Variants in HPSE2 observed in about 807,000 individuals in gnomAD.
The protein encoded by HPSE2 is heparanase 2 (inactive).
Under a neutral mutation model 60.5 loss-of-function variants are expected in HPSE2, and 38 were observed. That is an observed-to-expected ratio of 0.63 (90% CI 0.48 to 0.82). HPSE2 has a LOEUF of 0.82. HPSE2 is among the 40% of genes least tolerant of loss of function. The pLI is 0.00. For missense variants in HPSE2, 713 were observed against 740.4 expected, an observed-to-expected ratio of 0.96 and a Z score of 0.43; for synonymous variants, 295 against 293.2, an observed-to-expected ratio of 1.01 and a Z score of -0.06.
intron 6 of HPSE2, among the ~76,000 whole-genome samples, chr10:98,679,082 C>A (rs1399353179): frequency 6.6e-6 from 1 of 152,092 alleles, no homozygotes. Flanking sequence ...AATTATATAC[C>A]TGTGGTGAGG....
chr10:99,078,590 T>C (rs1037520156), intron 3 of HPSE2, among the ~76,000 whole-genome samples: 4 of 152,192 alleles, frequency 2.6e-5, no homozygotes, highest in African/African-American at 7.2e-5. Context: ...CCTTGGGATA[T>C]AAATTTTTAA....
intron 3 of HPSE2, among the ~76,000 whole-genome samples, chr10:98,753,141 C>T (rs1193707810): frequency 5.9e-5 from 9 of 151,722 alleles, no homozygotes; most frequent in Admixed American, 5.9e-4. Flanking sequence ...TGGAACAAGG[C>T]AACTATAGGT....
At chr10:98,982,334 A>AGG (rs1956226598) in intron 3 of HPSE2, among the ~76,000 whole-genome samples, 1 of 152,186 alleles carries the variant, frequency 6.6e-6, no homozygotes, top group Non-Finnish European at 1.5e-5. Context: ...ATTTCAAAAC[A>AGG]TACACACACA....
At chr10:98,666,427 A>G (rs1404294455) in intron 6 of HPSE2, among the ~76,000 whole-genome samples, 3 of 152,182 alleles carry the variant, frequency 2.0e-5, no homozygotes, top group Non-Finnish European at 4.4e-5. Flanking sequence ...TTCTTGACCA[A>G]TTGGACCTAA....
At chr10:99,037,087 T>TAAACA (rs1329197704) in intron 3 of HPSE2, among the ~76,000 whole-genome samples, 1 of 152,088 alleles carries the variant, frequency 6.6e-6, no homozygotes, top group African/African-American at 2.4e-5. Context: ...AATCCATAAC[T>TAAACA]TCAGTCTAAA....
chr10:98,720,744 T>C (rs1475404231), intron 5 of HPSE2, among the ~76,000 whole-genome samples: 3 of 152,316 alleles, frequency 2.0e-5, no homozygotes, highest in South Asian at 4.1e-4. Flanking sequence ...AGGGAATGCT[T>C]AGGCAGACTT....
chr10:98,841,991 A>G (rs556577290), intron 3 of HPSE2, among the ~76,000 whole-genome samples: 11 of 152,206 alleles, frequency 7.2e-5, no homozygotes, highest in Admixed American at 7.2e-4. Context: ...ATTTTTTAGT[A>G]GAGACGGGGT....
chr10:98,587,158 G>A (rs1366451944), intron 9 of HPSE2, among the ~76,000 whole-genome samples: 1 of 151,968 alleles, frequency 6.6e-6, no homozygotes, highest in African/African-American at 2.4e-5. Context: ...CTGTAAAAAT[G>A]CCAGTTTCTT....
chr10:98,574,293 A>G (rs1186930496), intron 9 of HPSE2, among the ~76,000 whole-genome samples: 3 of 152,218 alleles, frequency 2.0e-5, no homozygotes, highest in African/African-American at 7.2e-5. Flanking sequence ...AGATCTACAT[A>G]GCACATAAAT....
At chr10:99,235,970 GCT>G, upstream of HPSE2, 3 of 300,366 alleles carry the variant, frequency 1.0e-5, no homozygotes, top group Non-Finnish European at 1.1e-5. Flanking sequence ...TCTCTCTCTC[GCT>G]CGCTCGCTCG....
chr10:98,757,560 C>G (rs1463048076), intron 3 of HPSE2, among the ~76,000 whole-genome samples: 1 of 151,916 alleles, frequency 6.6e-6, no homozygotes, highest in East Asian at 1.9e-4. Context: ...AGAGCCAAAT[C>G]AAAAATGCAA....
chr10:98,678,699 G>A (rs1053912632), intron 6 of HPSE2, among the ~76,000 whole-genome samples: 1 of 151,630 alleles, frequency 6.6e-6, no homozygotes, highest in East Asian at 1.9e-4. Flanking sequence ...AAATTTTTTT[G>A]GTCTCTGGTG....
the HPSE2 span, among the ~76,000 whole-genome samples, chr10:99,287,225 G>A: frequency 6.6e-6 from 1 of 152,040 alleles, no homozygotes; most frequent in South Asian, 2.1e-4. Context: ...GATTTACTTA[G>A]GGAAATGCCC....
At chr10:99,235,101 T>C (rs201423666) in intron 1 of HPSE2, among the ~76,000 whole-genome samples, 404 of 147,598 alleles carry the variant, frequency 2.7e-3, no homozygotes, top group African/African-American at 7.7e-3. Flanking sequence ...CTGTCTCACA[T>C]ACACACACAC....
chr10:99,313,090 C>T, the HPSE2 span, among the ~76,000 whole-genome samples: 1 of 152,198 alleles, frequency 6.6e-6, no homozygotes, highest in African/African-American at 2.4e-5. Flanking sequence ...CAGTATCGTG[C>T]TTCCTGTAAA....
At chr10:98,886,134 T>G (rs1401270231) in intron 3 of HPSE2, among the ~76,000 whole-genome samples, 1 of 152,114 alleles carries the variant, frequency 6.6e-6, no homozygotes. Context: ...GATGTTTATA[T>G]ATGAGGTCTT....
intron 3 of HPSE2, among the ~76,000 whole-genome samples, chr10:98,746,352 TA>T (rs1183634826): frequency 6.6e-6 from 1 of 152,070 alleles, no homozygotes; most frequent in Non-Finnish European, 1.5e-5. Context: ...AAGTATCATA[TA>T]AAATTGTATC....
intron 5 of HPSE2, among the ~76,000 whole-genome samples, chr10:98,695,672 A>C (rs1025388514): frequency 6.6e-6 from 1 of 152,126 alleles, no homozygotes; most frequent in Non-Finnish European, 1.5e-5. Flanking sequence ...CCCTAGCAGC[A>C]GTCATTGGGA....
At chr10:99,011,893 A>G (rs1306443755) in intron 3 of HPSE2, among the ~76,000 whole-genome samples, 1 of 151,952 alleles carries the variant, frequency 6.6e-6, no homozygotes, top group African/African-American at 2.4e-5. Flanking sequence ...CTTGCATTTT[A>G]TAATTCTCAA....
Sources: allele counts gnomAD v4.1 joint callset (sites outside exome capture counted in the v4.1 genomes callset), GRCh38; gene constraint gnomAD v4.1.1; transcripts MANE v1.5; gene names NCBI Gene and HGNC (gene_info 2026-07-23, HGNC 2026-07-21).